Variants in SNAPC4 observed in about 807,000 individuals in gnomAD.
SNAPC4 encodes small nuclear RNA activating complex polypeptide 4.
In SNAPC4, 127 loss-of-function variants were observed where a neutral mutation model predicts 151.3. The ratio of observed to expected loss-of-function variants is 0.84; its 90% confidence interval spans 0.73 to 0.97. The LOEUF is 0.97. SNAPC4 is among the 50% of genes least tolerant of loss of function. The pLI is 0.00. For synonymous variants in SNAPC4, 1,002 were observed against 824.4 expected (o/e 1.22, Z -3.69); for missense variants, 2,186 against 1,935.0 (o/e 1.13, Z -2.43).
Position 136,378,220 on chromosome 9 carries a change from A to G in SNAPC4, c.3607T>C (p.Ser1203Pro). 1.9e-6 allele frequency: 3 copies of G among 1,611,660 alleles called. No individual in the cohort carries two copies. Among genetic ancestry groups the G allele is most frequent in the Non-Finnish European group, 2.5e-6 (3 of 1,179,570 alleles). ...ADPPEAEPPW[S>P]GRLPAFGGVI... Reference sequence around the variant, plus strand: ...CCACCGAAGGCTGGCAGCCTCCCGGACCAAGGGGGTTCTGCTTCAGGAGGG... The same window carrying G: ...CCACCGAAGGCTGGCAGCCTCCCGGGCCAAGGGGGTTCTGCTTCAGGAGGG... The change falls in exon 22 of 24, where the codon TCC (serine) becomes CCC (proline). Residue 1203 changes from serine (S) to proline (P), a missense_variant. Coordinates refer to ENST00000684778, the MANE Select transcript of SNAPC4 (RefSeq NM_003086.4).
chr9:136,379,957 C>A, intron 20 of SNAPC4, 93 bp from the exon 21 acceptor site: 1 of 1,468,836 alleles, frequency 6.8e-7, no homozygotes, highest in East Asian at 2.4e-5. Flanking sequence ...CTGCCACTCC[C>A]TGAAATGGGA....
At chr9:136,394,470 C>A in intron 6 of SNAPC4, 140 bp from the exon 7 acceptor site, 1 of 750,232 alleles carries the variant, frequency 1.3e-6, no homozygotes, top group Non-Finnish European at 2.4e-6. Flanking sequence ...CTGACGTGGC[C>A]CCTCCACCCA....
At chr9:136,385,411 G>A (rs542117737) in intron 13 of SNAPC4, among the ~76,000 whole-genome samples, 13 of 152,308 alleles carry the variant, frequency 8.5e-5, no homozygotes, top group African/African-American at 2.9e-4. Context: ...CCCGGACCGA[G>A]CAATTTCACT....
intron 20 of SNAPC4, among the ~76,000 whole-genome samples, chr9:136,380,189 C>A (rs575886071): frequency 2.0e-5 from 3 of 152,238 alleles, no homozygotes. Context: ...TCGTGCCCTG[C>A]ACAGCAGGCA....
At position 136,378,923 on chromosome 9, in the gene SNAPC4, G is replaced by C. The variant is rs963292589; in HGVS notation, c.2904C>G (p.Ser968=). 6.2e-7 allele frequency: 1 copy of C among 1,610,872 alleles called. No individual in the cohort carries two copies. The highest frequency in any genetic ancestry group is 1.3e-5 in the African/African-American group (1 of 74,928). ...PAAAKPGTSG[S]WQEAGTSAKD... ...TGGCTGAAGTCCCAGCCTCCTGCCAGGAGCCAGAAGTGCCAGGTTTGGCTG... is the reference window on the plus strand; with the variant it reads ...TGGCTGAAGTCCCAGCCTCCTGCCACGAGCCAGAAGTGCCAGGTTTGGCTG... Residue 968 remains serine, a synonymous_variant, in exon 22 of 24, where the codon TCC becomes TCG. Coordinates refer to ENST00000684778, the MANE Select transcript of SNAPC4 (RefSeq NM_003086.4).
At position 136,394,327 on chromosome 9, in the gene SNAPC4, T is replaced by C. The variant is rs1358257867; in HGVS notation, c.554A>G (p.Lys185Arg). Residue 185 changes from lysine to arginine, a missense_variant, in exon 7 of 24, where the codon AAA (lysine) becomes AGA (arginine). Coordinates refer to ENST00000684778, the MANE Select transcript of SNAPC4 (RefSeq NM_003086.4). Reference sequence around the variant, plus strand: ...TCGGAGCAAGGCCTTTTCCCAGTTTTTCCCTGAGGAGAAGCCACAGCATCA... The same window carrying C: ...TCGGAGCAAGGCCTTTTCCCAGTTTCTCCCTGAGGAGAAGCCACAGCATCA... Reference protein sequence around the residue: ...AFEELLVTKWKNWEKALLRKS... With the variant: ...AFEELLVTKWRNWEKALLRKS... 12 of 1,613,388 alleles carry C rather than the reference T, an allele frequency of 7.4e-6. No homozygotes were observed. The highest frequency in any genetic ancestry group is 1.3e-5 in the African/African-American group (1 of 74,940).
At chr9:136,392,863 G>A (rs1201297933) in intron 7 of SNAPC4, 86 bp from the exon 8 acceptor site, 5 of 1,095,810 alleles carry the variant, frequency 4.6e-6, no homozygotes, top group Non-Finnish European at 5.4e-6. Flanking sequence ...GGCAAGGAGT[G>A]TGAGCTCAGC....
intron 1 of SNAPC4, 47 bp from the exon 2 acceptor site, chr9:136,398,484 G>A (rs765480885): frequency 3.4e-5 from 54 of 1,591,606 alleles, no homozygotes; most frequent in African/African-American, 2.2e-4. Flanking sequence ...AGACCGTGCC[G>A]GGATCCCATT....
intron 19 of SNAPC4, 64 bp from the exon 20 acceptor site, chr9:136,380,914 G>T: frequency 2.0e-6 from 2 of 977,154 alleles, no homozygotes; most frequent in South Asian, 2.7e-5. Flanking sequence ...AGCTCCAGAG[G>T]CCTAGGCAGA....
Position 136,379,168 on chromosome 9 carries a change from G to T in SNAPC4, c.2659C>A (p.Arg887=), listed in dbSNP as rs571194015. ...QASLLASTGP[R]PKPKTVSELL... is the part of the protein sequence containing the mutation. ...TCCGACACAGTCTTGGGCTTGGGCC[G>T]GGGGCCGGTTGAAGCCAGCAGGGAC... Residue 887 remains arginine, a synonymous_variant, in exon 22 of 24, where the codon CGG becomes AGG. Transcript: ENST00000684778. 22 of 1,590,114 alleles carry T rather than the reference G, an allele frequency of 1.4e-5. No homozygotes were observed. The African/African-American group carries it at 2.1e-4, about 15-fold the overall frequency.
At chr9:136,384,625 G>T in intron 14 of SNAPC4, 95 bp downstream of exon 14, 1 of 654,958 alleles carries the variant, frequency 1.5e-6, no homozygotes, top group Middle Eastern at 2.5e-4. Context: ...CCCCAGCCTG[G>T]ACGACAGAGC....
chr9:136,383,357 G>A lies in SNAPC4; in HGVS notation c.1812C>T (p.Ser604=), dbSNP rs761464435. 6.2e-7 allele frequency: 1 copy of A among 1,606,418 alleles called. No homozygotes were observed. Among genetic ancestry groups the A allele is most frequent in the Non-Finnish European group, 8.5e-7 (1 of 1,177,002 alleles). Residue 604 remains serine, a synonymous_variant, in exon 16 of 24, where the codon TCC becomes TCT. Coordinates refer to ENST00000684778, the MANE Select transcript of SNAPC4 (RefSeq NM_003086.4). The surrounding 1 kb of genome is among the most constrained non-coding windows in gnomAD (Gnocchi z 4.2). ...CCTTGCTGCCGCCCTGGCTGGCACT[G>A]GACCCCTTGGGAGGGCTGAGGGAGG... ...PAASLSPPKG[S]SASQGGSKEA... is the part of the protein sequence containing the mutation.
Position 136,395,596 on chromosome 9 carries a change from A to G in SNAPC4, c.345+7T>C. 6.2e-7 allele frequency: 1 copy of G among 1,607,898 alleles called. No homozygotes were observed. Among genetic ancestry groups the G allele is most frequent in the Non-Finnish European group, 8.5e-7 (1 of 1,176,654 alleles). The stretch of plus-strand genomic sequence containing the variant: ...TGTGGGCACCGGGGGGCCGAGGCCC[A>G]TCCCACCTGCTGCTCCCGGTTCTGG... On this transcript the variant is annotated splice_region_variant and intron_variant, in intron 4 of 23. Transcript: ENST00000684778.
rs538491917 is a variant in SNAPC4 at position 136,379,218 on chromosome 9, C to T, written c.2609G>A (p.Arg870Gln). ...HKGSRRLASS[R>Q]VERTLPQASL... ...CGCCTGGGGTAGGGTGCGCTCCACC[C>T]GGCTGGACGCCAGTCTTCGGCTCCC... The change falls in exon 22 of 24, where the codon CGG (arginine) becomes CAG (glutamine). Residue 870 changes from arginine (R) to glutamine (Q), a missense_variant. Physicochemically the swap from Arg to Gln is conservative, Grantham distance 43. Coordinates refer to ENST00000684778, the MANE Select transcript of SNAPC4 (RefSeq NM_003086.4). The T allele has an allele frequency of 1.6e-5, 26 of 1,611,682 alleles. No homozygotes were observed. The highest frequency in any genetic ancestry group is 1.1e-4 in the African/African-American group (8 of 75,058).
Position 136,382,326 on chromosome 9 carries a change from C to CA in SNAPC4, c.1993_1994insT (p.Arg665LeufsTer45). On this transcript the variant is annotated frameshift_variant, in exon 17 of 24. Transcript: ENST00000684778. LOFTEE classifies it high-confidence loss of function. ...GGTCTCCACAGGCACTGTCAGCAGA[C>CA]GCCTCCCACCCTGATGAGAAAGCTG... The CA allele has an allele frequency of 6.2e-7, 1 of 1,613,104 alleles. No individual in the cohort carries two copies. Among genetic ancestry groups the CA allele is most frequent in the Non-Finnish European group, 8.5e-7 (1 of 1,179,926 alleles).
intron 19 of SNAPC4, 36 bp downstream of exon 19, chr9:136,381,286 G>T: frequency 1.3e-6 from 2 of 1,566,238 alleles, no homozygotes; most frequent in South Asian, 1.1e-5. Flanking sequence ...CTTTTTACAA[G>T]GCAAAGGAAA....
At chr9:136,392,896 C>T in intron 7 of SNAPC4, 119 bp from the exon 8 acceptor site, 3 of 801,000 alleles carry the variant, frequency 3.7e-6, no homozygotes, top group African/African-American at 1.7e-5. Flanking sequence ...CCTCCCTCAC[C>T]CTCCCTGCCT....
intron 13 of SNAPC4, among the ~76,000 whole-genome samples, chr9:136,386,338 C>T (rs1469627286): frequency 6.6e-6 from 1 of 151,692 alleles, no homozygotes; most frequent in African/African-American, 2.4e-5. Flanking sequence ...ATGGCTTTTT[C>T]GGGTGATGAA....
chr9:136,376,452 A>C lies in SNAPC4; in HGVS notation c.4314T>G (p.Ala1438=), dbSNP rs767634309. The change falls in exon 23 of 24, where the codon GCT becomes GCG. Residue 1438 remains alanine, a synonymous_variant. Coordinates refer to ENST00000684778, the MANE Select transcript of SNAPC4 (RefSeq NM_003086.4). ...CATTAGAAGTATCCAGGCAGGAGGA[A>C]GCAGAGCATTTACCAGAGTCTGGGG... ...QGAPDSGKCS[A]SSCLDTSNDP... 1 of 1,613,412 alleles carries C rather than the reference A, an allele frequency of 6.2e-7. No individual in the cohort carries two copies. Among genetic ancestry groups the C allele is most frequent in the Non-Finnish European group, 8.5e-7 (1 of 1,179,882 alleles).
Sources: gnomAD v4.1 joint callset for allele counts (sites outside exome capture counted in the v4.1 genomes callset) on GRCh38, gnomAD v4.1.1 for gene constraint, Gnocchi (gnomAD v3.1) non-coding constraint, MANE v1.5 for transcripts, NCBI Gene and HGNC (gene_info 2026-07-23, HGNC 2026-07-21) for gene names.